The following BANK1 variants were observed in gnomAD, a reference collection of about 807,000 sequenced individuals.
BANK1 encodes the protein B cell scaffold protein with ankyrin repeats 1.
In BANK1, 95 loss-of-function variants were observed where a neutral mutation model predicts 94.5. The ratio of observed to expected loss-of-function variants is 1.00; its 90% CI spans 0.85 to 1.19. The LOEUF is 1.19. BANK1 is among the 50% of genes most tolerant of loss of function. The probability of loss-of-function intolerance (pLI) is 0.00; values close to 1 mark genes in which losing one functional copy is unlikely to be tolerated. For synonymous variants in BANK1, 334 were observed against 308.4 expected (o/e 1.08, Z -0.87); for missense variants, 987 against 932.2 (o/e 1.06, Z -0.77).
chr4:101,840,241 C>T (rs1229641395), intron 2 of BANK1, among the ~76,000 whole-genome samples: 13 of 151,726 alleles, frequency 8.6e-5, no homozygotes, highest in African/African-American at 2.7e-4. Flanking sequence ...GTGCTGGCAT[C>T]ACAGGCGTGA....
At chr4:101,913,949 A>G (rs925241068) in intron 6 of BANK1, among the ~76,000 whole-genome samples, 1 of 152,118 alleles carries the variant, frequency 6.6e-6, no homozygotes, top group Non-Finnish European at 1.5e-5. Flanking sequence ...ACATTCTAGA[A>G]CTCAATTTTT....
At chr4:101,814,001 A>G (rs1332088765) in intron 1 of BANK1, 1 of 614,014 alleles carries the variant, frequency 1.6e-6, no homozygotes, top group South Asian at 7.2e-5. Context: ...TACGTATGAT[A>G]TAAATTTTGA....
intron 1 of BANK1, among the ~76,000 whole-genome samples, chr4:101,827,793 A>G (rs978352292): frequency 2.0e-5 from 3 of 151,942 alleles, no homozygotes; most frequent in Admixed American, 1.3e-4. Flanking sequence ...TTCCCCAAAT[A>G]CTATTCCACA....
rs143535220 is a variant in BANK1 at position 101,921,238 on chromosome 4, A to G, written c.1206+3049A>G. 2.3e-4 allele frequency among the ~76,000 whole-genome samples: 35 copies of G among 152,022 alleles called. 1 individual carries two copies. The East Asian group carries it at 6.4e-3, about 28-fold the overall frequency. The stretch of plus-strand genomic sequence containing the variant: ...TATTTCAAATATCTACTCATTTTTC[A>G]GTTTCTAACAATATCACCTGAGAGA... On this transcript the variant is annotated intron_variant, in intron 7 of 16. Transcript: ENST00000322953.
intron 2 of BANK1, among the ~76,000 whole-genome samples, chr4:101,850,376 A>G (rs2148872152): frequency 6.6e-6 from 1 of 151,826 alleles, no homozygotes; most frequent in East Asian, 1.9e-4. Context: ...GGCCCAAGCA[A>G]TTCTCCTGTC....
chr4:102,046,430 C>G (rs558512947), intron 11 of BANK1, among the ~76,000 whole-genome samples: 1 of 151,898 alleles, frequency 6.6e-6, no homozygotes, highest in African/African-American at 2.4e-5. Flanking sequence ...ATAGTGTTGT[C>G]GATGTTATCA....
At chr4:101,874,487 T>C (rs917176588) in intron 5 of BANK1, among the ~76,000 whole-genome samples, 12 of 152,146 alleles carry the variant, frequency 7.9e-5, no homozygotes, top group Non-Finnish European at 1.8e-4. Flanking sequence ...ATGGAAACCT[T>C]CTTTTCTCTT....
chr4:101,855,005 T>C (rs372360408), intron 2 of BANK1, 30 bp from the exon 3 acceptor site: 4 of 1,547,294 alleles, frequency 2.6e-6, no homozygotes, highest in Non-Finnish European at 3.5e-6. Flanking sequence ...TTAGTTATAT[T>C]ATAATCTACA....
intron 11 of BANK1, among the ~76,000 whole-genome samples, chr4:102,053,493 A>G (rs544217295): frequency 6.6e-6 from 1 of 152,114 alleles, no homozygotes; most frequent in Non-Finnish European, 1.5e-5. Flanking sequence ...TTGAGAAAAA[A>G]CTTCAACTTA....
At chr4:101,937,474 C>G (rs908831075) in intron 7 of BANK1, among the ~76,000 whole-genome samples, 1 of 151,800 alleles carries the variant, frequency 6.6e-6, no homozygotes, top group Non-Finnish European at 1.5e-5. Flanking sequence ...ATGTGGCCAA[C>G]AAACATATGA....
intron 7 of BANK1, among the ~76,000 whole-genome samples, chr4:101,989,926 G>A (rs572576770): frequency 6.6e-6 from 1 of 152,092 alleles, no homozygotes; most frequent in African/African-American, 2.4e-5. Flanking sequence ...TTCAACCAAA[G>A]ATACTTTTAA....
intron 8 of BANK1, among the ~76,000 whole-genome samples, chr4:102,023,569 G>C (rs1726984587): frequency 6.6e-6 from 1 of 152,168 alleles, no homozygotes; most frequent in Admixed American, 6.5e-5. Flanking sequence ...TCATGAGTGA[G>C]AGGGTGAAGC....
At chr4:101,943,759 T>C (rs1197068562) in intron 7 of BANK1, among the ~76,000 whole-genome samples, 1 of 151,844 alleles carries the variant, frequency 6.6e-6, no homozygotes, top group African/African-American at 2.4e-5. Flanking sequence ...AAGAATTAAT[T>C]TTGAAAAACC....
chr4:101,796,351 G>A (rs1180620038), intron 1 of BANK1, among the ~76,000 whole-genome samples: 1 of 152,046 alleles, frequency 6.6e-6, no homozygotes, highest in Non-Finnish European at 1.5e-5. Flanking sequence ...AAAAGTTTGG[G>A]CTAGCATACC....
At chr4:101,908,940 C>T (rs1578392283) in intron 6 of BANK1, among the ~76,000 whole-genome samples, 1 of 152,174 alleles carries the variant, frequency 6.6e-6, no homozygotes, top group African/African-American at 2.4e-5. Context: ...GAAACAGGAA[C>T]ACTTTTACAC....
At chr4:101,904,073 G>A (rs1174182025) in intron 6 of BANK1, among the ~76,000 whole-genome samples, 1 of 152,226 alleles carries the variant, frequency 6.6e-6, no homozygotes, top group African/African-American at 2.4e-5. Flanking sequence ...CATGCCCTGT[G>A]GCAACACTTT....
rs539961390 is a variant in BANK1, at chr4:101,943,218, T to A, written c.1206+25029T>A. ...TAAGGTCATAGAAGTAAGCTTGAAGTCATATTAGCAAATTAGTGCCTTGCC... is the reference window on the plus strand; with the variant it reads ...TAAGGTCATAGAAGTAAGCTTGAAGACATATTAGCAAATTAGTGCCTTGCC... On this transcript the variant is annotated intron_variant, in intron 7 of 16. Coordinates refer to ENST00000322953, the MANE Select transcript of BANK1 (RefSeq NM_017935.5). Among the ~76,000 whole-genome samples the A allele has an allele frequency of 2.6e-5, 4 of 152,114 alleles. No individual in the cohort carries two copies. The East Asian group carries it at 7.8e-4, about 30-fold the overall frequency.
chr4:102,071,270 TC>T lies in BANK1; in HGVS notation c.2213-3del. On this transcript the variant is annotated splice_region_variant and splice_polypyrimidine_tract_variant and intron_variant, in intron 13 of 16. Coordinates refer to ENST00000322953, the MANE Select transcript of BANK1 (RefSeq NM_017935.5). ...CAGTAGAACATGCTTTTTTTTGTCT[TC>T]CAGATAAACTCACCATTGTGCACCA... 6.2e-7 allele frequency: 1 copy of T among 1,613,838 alleles called. No individual in the cohort carries two copies. Among genetic ancestry groups the T allele is most frequent in the Non-Finnish European group, 8.5e-7 (1 of 1,179,772 alleles).
At chr4:101,847,722 G>A (rs866029578) in intron 2 of BANK1, among the ~76,000 whole-genome samples, 2 of 143,838 alleles carry the variant, frequency 1.4e-5, no homozygotes, top group Non-Finnish European at 3.0e-5. Flanking sequence ...TTATGTCTGC[G>A]TAGTATTCCA....
Sources: gnomAD v4.1 joint callset for allele counts (sites outside exome capture counted in the v4.1 genomes callset) on GRCh38, gnomAD v4.1.1 for gene constraint, MANE v1.5 for transcripts, NCBI Gene and HGNC (gene_info 2026-07-23, HGNC 2026-07-21) for gene names.